HYCC2: variants seen among roughly 807,000 people sequenced by gnomAD.
HYCC2 encodes hyccin PI4KA lipid kinase complex subunit 2.
the HYCC2 span, chr2:201,023,993 C>T: frequency 1.4e-5 from 23 of 1,613,128 alleles, no homozygotes; most frequent in Middle Eastern, 1.6e-4. Flanking sequence ...CACAACACAA[C>T]GGTCAGTTCC....
the HYCC2 span, among the ~76,000 whole-genome samples, chr2:201,010,421 T>C: frequency 1.3e-5 from 2 of 152,340 alleles, no homozygotes; most frequent in African/African-American, 4.8e-5. Context: ...CTTAGTGTAG[T>C]GGCAACAAAG....
chr2:200,982,514 T>C, the HYCC2 span, among the ~76,000 whole-genome samples: 2 of 152,326 alleles, frequency 1.3e-5, no homozygotes, highest in Admixed American at 1.3e-4. Context: ...TCTATGGCCT[T>C]TTCTACTCAC....
chr2:201,063,876 T>C, the HYCC2 span: 2 of 1,594,568 alleles, frequency 1.3e-6, no homozygotes, highest in Non-Finnish European at 1.7e-6. Context: ...TACAATGATT[T>C]TGGCAATTAC....
At chr2:200,982,783 G>A in the HYCC2 span, among the ~76,000 whole-genome samples, 1 of 151,480 alleles carries the variant, frequency 6.6e-6, no homozygotes, top group Non-Finnish European at 1.5e-5. Context: ...TTTTGAGACA[G>A]TCTTGCTCTG....
chr2:200,976,894 C>G, the HYCC2 span: 3 of 152,162 alleles, frequency 2.0e-5, no homozygotes, highest in African/African-American at 4.8e-5. Flanking sequence ...TTGCAATACT[C>G]TATTGTGCAA....
chr2:201,008,059 A>G, the HYCC2 span, among the ~76,000 whole-genome samples: 3 of 152,250 alleles, frequency 2.0e-5, no homozygotes, highest in Admixed American at 6.5e-5. Context: ...AACTGTGAGT[A>G]TAATGGCTTT....
chr2:201,066,877 T>C, the HYCC2 span: 30 of 157,166 alleles, frequency 1.9e-4, no homozygotes, highest in Non-Finnish European at 3.1e-4. Flanking sequence ...CCCAAGGCAC[T>C]GCAGCCCCAT....
chr2:201,000,127 T>C, the HYCC2 span, among the ~76,000 whole-genome samples: 13 of 149,354 alleles, frequency 8.7e-5, no homozygotes, highest in Middle Eastern at 3.5e-3. Context: ...ATCCCAGCAC[T>C]TTGGGAGGCT....
the HYCC2 span, among the ~76,000 whole-genome samples, chr2:201,067,552 T>C: frequency 6.6e-6 from 1 of 152,220 alleles, no homozygotes; most frequent in Non-Finnish European, 1.5e-5. Flanking sequence ...ACTCATACTT[T>C]TTCTCAGATT....
the HYCC2 span, among the ~76,000 whole-genome samples, chr2:201,025,686 C>T: frequency 6.6e-6 from 1 of 151,992 alleles, no homozygotes; most frequent in South Asian, 2.1e-4. Flanking sequence ...AGAATCTAAA[C>T]GAAGATCCAA....
At chr2:201,060,809 C>T in the HYCC2 span, among the ~76,000 whole-genome samples, 1 of 152,084 alleles carries the variant, frequency 6.6e-6, no homozygotes, top group African/African-American at 2.4e-5. Context: ...ACTTAATGTT[C>T]ATAAAGTATA....
At chr2:201,043,618 C>G in the HYCC2 span, among the ~76,000 whole-genome samples, 8 of 151,176 alleles carry the variant, frequency 5.3e-5, no homozygotes, top group African/African-American at 1.9e-4. Flanking sequence ...ACGCCATTCT[C>G]CTGCCTCAGC....
chr2:201,022,845 C>T, the HYCC2 span: 2 of 1,604,516 alleles, frequency 1.2e-6, no homozygotes, highest in Non-Finnish European at 1.7e-6. Flanking sequence ...TTATTTGAAT[C>T]TTGAATAACT....
At chr2:200,982,595 A>G in the HYCC2 span, among the ~76,000 whole-genome samples, 1 of 152,134 alleles carries the variant, frequency 6.6e-6, no homozygotes. Context: ...CAGCAGGGGT[A>G]TTTAAGGATT....
At chr2:201,017,807 TG>T in the HYCC2 span, among the ~76,000 whole-genome samples, 3 of 152,210 alleles carry the variant, frequency 2.0e-5, no homozygotes, top group East Asian at 5.8e-4. Flanking sequence ...TGTATGCATT[TG>T]TAAGTGTTCT....
chr2:201,010,755 A>G, the HYCC2 span, among the ~76,000 whole-genome samples: 1 of 150,884 alleles, frequency 6.6e-6, no homozygotes. Flanking sequence ...TAAAAATTAA[A>G]GAATATTTTT....
chr2:201,012,639 T>C, the HYCC2 span, among the ~76,000 whole-genome samples: 4 of 152,082 alleles, frequency 2.6e-5, no homozygotes, highest in Non-Finnish European at 5.9e-5. Flanking sequence ...ACCTCCAATA[T>C]TCCTGTTATA....
chr2:201,050,988 C>T, the HYCC2 span, among the ~76,000 whole-genome samples: 1 of 152,070 alleles, frequency 6.6e-6, no homozygotes, highest in Non-Finnish European at 1.5e-5. Context: ...AAAATTAACA[C>T]AGACATTACA....
At chr2:200,997,317 A>T in the HYCC2 span, 1 of 638,094 alleles carries the variant, frequency 1.6e-6, no homozygotes, top group Non-Finnish European at 2.8e-6. Context: ...CTCCTACAGG[A>T]ATGCAAGCTC....
Sources: gnomAD v4.1 joint callset for allele counts (sites outside exome capture counted in the v4.1 genomes callset) on GRCh38, gnomAD v4.1.1 for gene constraint, MANE v1.5 for transcripts, NCBI Gene and HGNC (gene_info 2026-07-23, HGNC 2026-07-21) for gene names.